Variants in GPC6 observed in about 807,000 individuals in gnomAD.
The protein encoded by GPC6 is glypican-6.
Under a neutral mutation model 55.2 loss-of-function variants are expected in GPC6, and 14 were observed. The ratio of observed to expected loss-of-function variants is 0.25; its 90% CI spans 0.17 to 0.40. The LOEUF is 0.40. Ranked by LOEUF, GPC6 falls within the 10% of genes least tolerant of loss-of-function variation. The pLI is 1.00. For missense variants in GPC6, 641 were observed against 708.5 expected (o/e 0.90, Z 1.08); for synonymous variants, 278 against 259.6 (o/e 1.07, Z -0.68).
intron 4 of GPC6, among the ~76,000 whole-genome samples, chr13:94,169,159 C>A (rs185482244): frequency 6.6e-6 from 1 of 152,160 alleles, no homozygotes; most frequent in African/African-American, 2.4e-5. Context: ...TAGGAAACAA[C>A]GTTTGCAATA....
At chr13:93,320,904 G>A (rs1055988091) in intron 1 of GPC6, among the ~76,000 whole-genome samples, 3 of 151,892 alleles carry the variant, frequency 2.0e-5, no homozygotes, top group Admixed American at 6.6e-5. Context: ...CTAATTCAAC[G>A]AATTTCTATT....
At chr13:94,098,974 G>A (rs979079128) in intron 4 of GPC6, among the ~76,000 whole-genome samples, 20 of 152,202 alleles carry the variant, frequency 1.3e-4, no homozygotes, top group Non-Finnish European at 2.5e-4. Context: ...GTCTGAAGCC[G>A]TTAGCAGTCT....
At chr13:93,933,830 A>C (rs1878298957) in intron 3 of GPC6, among the ~76,000 whole-genome samples, 1 of 152,178 alleles carries the variant, frequency 6.6e-6, no homozygotes, top group African/African-American at 2.4e-5. Context: ...ATTGTTTAGA[A>C]AATCAACATT....
intron 1 of GPC6, among the ~76,000 whole-genome samples, chr13:93,515,863 A>T (rs923480218): frequency 1.3e-5 from 2 of 152,182 alleles, no homozygotes; most frequent in Non-Finnish European, 2.9e-5. Context: ...AGAAAAAGTC[A>T]TATCTATAGA....
intron 6 of GPC6, among the ~76,000 whole-genome samples, chr13:94,353,184 C>T (rs543870120): frequency 5.5e-4 from 83 of 152,138 alleles, no homozygotes; most frequent in Non-Finnish European, 8.8e-4. Flanking sequence ...CATCACAGAG[C>T]GCGACTTTCT....
intron 2 of GPC6, among the ~76,000 whole-genome samples, chr13:93,724,065 G>A (rs1406818834): frequency 6.6e-6 from 1 of 151,912 alleles, no homozygotes; most frequent in Non-Finnish European, 1.5e-5. Context: ...ATGGTGAATG[G>A]AGATGCTAAG....
intron 4 of GPC6, among the ~76,000 whole-genome samples, chr13:94,122,166 A>G (rs1452908266): frequency 1.3e-5 from 2 of 152,126 alleles, no homozygotes; most frequent in Non-Finnish European, 2.9e-5. Context: ...TGTAAGAGGT[A>G]TAAAAATGAA....
intron 4 of GPC6, among the ~76,000 whole-genome samples, chr13:94,280,174 T>G (rs1009508497): frequency 6.6e-6 from 1 of 152,230 alleles, no homozygotes; most frequent in Admixed American, 6.5e-5. Flanking sequence ...CTTTTTGAAT[T>G]GATCCCTTTA....
chr13:93,348,908 C>T (rs1467748981), intron 1 of GPC6, among the ~76,000 whole-genome samples: 1 of 151,988 alleles, frequency 6.6e-6, no homozygotes, highest in Non-Finnish European at 1.5e-5. Context: ...TATTTTTTTC[C>T]CCTCCATAGA....
At chr13:94,030,252 G>A (rs1362932760) in intron 4 of GPC6, among the ~76,000 whole-genome samples, 1 of 152,002 alleles carries the variant, frequency 6.6e-6, no homozygotes, top group Non-Finnish European at 1.5e-5. Flanking sequence ...CTCGTGATCT[G>A]CCCGCCTCGG....
chr13:93,231,331 GT>G (rs1876003911), intron 1 of GPC6, among the ~76,000 whole-genome samples: 2 of 75,482 alleles, frequency 2.6e-5, no homozygotes, highest in African/African-American at 1.3e-4. Context: ...ATATATATAC[GT>G]ATATATATAT....
intron 1 of GPC6, among the ~76,000 whole-genome samples, chr13:93,383,114 G>A (rs1383222759): frequency 1.3e-5 from 2 of 152,220 alleles, no homozygotes; most frequent in Admixed American, 6.5e-5. Flanking sequence ...ATGTTTGCTT[G>A]AGGAGTGGTA....
At chr13:93,306,536 A>G (rs1478257878) in intron 1 of GPC6, among the ~76,000 whole-genome samples, 1 of 152,146 alleles carries the variant, frequency 6.6e-6, no homozygotes, top group Non-Finnish European at 1.5e-5. Flanking sequence ...TAAATCTTAA[A>G]AGCAAAAGTA....
At chr13:93,743,982 C>T (rs1328644007) in intron 2 of GPC6, among the ~76,000 whole-genome samples, 2 of 152,098 alleles carry the variant, frequency 1.3e-5, no homozygotes, top group African/African-American at 4.8e-5. Context: ...GTATAAAATA[C>T]AGTTCTAATT....
intron 1 of GPC6, among the ~76,000 whole-genome samples, chr13:93,380,097 C>T (rs910751686): frequency 1.3e-5 from 2 of 151,924 alleles, no homozygotes; most frequent in African/African-American, 2.4e-5. Context: ...TCTTAATATG[C>T]AGGAGAAAAT....
intron 2 of GPC6, among the ~76,000 whole-genome samples, chr13:93,623,389 A>G (rs765251977): frequency 1.4e-5 from 2 of 144,416 alleles, no homozygotes; most frequent in Non-Finnish European, 3.0e-5. Context: ...TTACACTCCC[A>G]CTCGTGTGTA....
At chr13:94,137,902 T>C (rs905646789) in intron 4 of GPC6, among the ~76,000 whole-genome samples, 1 of 152,154 alleles carries the variant, frequency 6.6e-6, no homozygotes, top group Non-Finnish European at 1.5e-5. Context: ...AGGCTAGAAA[T>C]TGCATGTCTA....
At position 93,836,611 on chromosome 13, in the gene GPC6, G is replaced by A. The variant is rs531052628; in HGVS notation, c.711+6066G>A. Among the ~76,000 whole-genome samples the A allele has an allele frequency of 6.6e-5, 10 of 152,250 alleles. No homozygotes were observed. The South Asian group carries it at 2.1e-3, about 32-fold the overall frequency. On this transcript the variant is annotated intron_variant, in intron 3 of 8. Coordinates refer to ENST00000377047, the MANE Select transcript of GPC6 (RefSeq NM_005708.5). ...GTTATGAATAATTGGCAAGCCTTTTGAAATTATCAATGATGTTTCTATGCT... is the reference window on the plus strand; with the variant it reads ...GTTATGAATAATTGGCAAGCCTTTTAAAATTATCAATGATGTTTCTATGCT...
chr13:93,343,342 C>T (rs1388485679), intron 1 of GPC6, among the ~76,000 whole-genome samples: 1 of 152,096 alleles, frequency 6.6e-6, no homozygotes, highest in Non-Finnish European at 1.5e-5. Context: ...CAGAGAGGGT[C>T]CCATCTGTTC....
Sources: gnomAD v4.1 joint callset for allele counts (sites outside exome capture counted in the v4.1 genomes callset) on GRCh38, gnomAD v4.1.1 for gene constraint, MANE v1.5 for transcripts, NCBI Gene and HGNC (gene_info 2026-07-23, HGNC 2026-07-21) for gene names.